Variants in RYR1 observed in about 807,000 individuals in gnomAD.
The protein encoded by RYR1 is ryanodine receptor 1, also known as central core disease of muscle.
In RYR1, 342 loss-of-function variants were observed where a neutral mutation model predicts 583.5. That is an observed-to-expected ratio of 0.59 (90% CI 0.54 to 0.64). The LOEUF (loss-of-function observed/expected upper bound fraction) is 0.64, where lower values mean the gene tolerates loss of function less well. Ranked by LOEUF, RYR1 falls within the 30% of genes least tolerant of loss-of-function variation. RYR1 has a pLI of 0.00. For synonymous variants in RYR1, 2,791 were observed against 2,822.5 expected, an observed-to-expected ratio of 0.99 and a Z score of 0.35; for missense variants, 6,032 against 6,917.2, an observed-to-expected ratio of 0.87 and a Z score of 4.54.
At chr19:38,465,008 C>T (rs937011610) in intron 23 of RYR1, among the ~76,000 whole-genome samples, 4 of 151,964 alleles carry the variant, frequency 2.6e-5, no homozygotes, top group South Asian at 2.1e-4. Flanking sequence ...CACATGTCCA[C>T]GTAAGGGGTA....
At chr19:38,487,250 C>A (rs926964133) in intron 34 of RYR1, among the ~76,000 whole-genome samples, 3 of 152,202 alleles carry the variant, frequency 2.0e-5, no homozygotes, top group Admixed American at 6.6e-5. Context: ...ACCCATCCAT[C>A]TACCCGTTCC....
chr19:38,463,652 C>T (rs1967912958), intron 21 of RYR1, 95 bp from the exon 22 acceptor site: 4 of 1,466,214 alleles, frequency 2.7e-6, no homozygotes, highest in Admixed American at 3.3e-5. Context: ...CTGAGGGTGG[C>T]AGAACTAGGG....
chr19:38,587,120 G>T (rs1974527902), intron 105 of RYR1, among the ~76,000 whole-genome samples: 1 of 152,012 alleles, frequency 6.6e-6, no homozygotes, highest in African/African-American at 2.4e-5. Context: ...ATTAGCCAGG[G>T]GTGGTGGTGT....
chr19:38,460,230 C>G (rs1967651756), intron 19 of RYR1, 145 bp from the exon 20 acceptor site: 2 of 747,784 alleles, frequency 2.7e-6, no homozygotes, highest in African/African-American at 3.5e-5. Flanking sequence ...TTCTAAATGA[C>G]CTCCAGGACA....
In RYR1 at chr19:38,448,960, T is replaced by C. The variant is rs1046204856; in HGVS notation, c.1122+147T>C. ...TGGGGTGCAGGAGGGTACTGAGGGG[T>C]GGTGCTTGAGACCTTGGGAGTTTGA... On this transcript the variant is annotated intron_variant, in intron 11 of 105. Transcript: ENST00000359596. 5 of 780,956 alleles carry C rather than the reference T, an allele frequency of 6.4e-6. No individual in the cohort carries two copies. The Admixed American group carries it at 8.3e-5, about 13-fold the overall frequency. 48.4% of individuals were successfully genotyped at this position (780,956 alleles called of 1,614,324 possible). A position where few individuals can be genotyped will look rare whatever the true frequency, so the allele number is the denominator to read the frequency against.
chr19:38,587,447 C>T lies in RYR1; in HGVS notation c.*27C>T. ...ACACCCCCAGCTGGCCCTCCACCCC[C>T]ACCTCAAGTGCCTTATTCTCACAGC... On this transcript the variant is annotated 3_prime_UTR_variant, in exon 106 of 106. Coordinates refer to ENST00000359596, the MANE Select transcript of RYR1 (RefSeq NM_000540.3). 9.0e-6 allele frequency: 14 copies of T among 1,549,242 alleles called. No individual in the cohort carries two copies. The highest frequency in any genetic ancestry group is 1.1e-5 in the Non-Finnish European group (12 of 1,121,370).
Position 38,457,405 on chromosome 19 carries a change from C to T in RYR1, c.1792-92C>T, listed in dbSNP as rs944826402. On this transcript the variant is annotated intron_variant, in intron 16 of 105. Transcript: ENST00000359596. ...GCCACATCTTATCCCGATGCGCTGT[C>T]CTTTCCTCCTGGCTTCCCTCCCTCC... 21 of 1,580,314 alleles carry T rather than the reference C, an allele frequency of 1.3e-5. No individual in the cohort carries two copies. In the African/African-American group the frequency reaches 2.6e-4, roughly 19 times the overall value.
chr19:38,463,190 G>C (rs1239948878), intron 20 of RYR1, among the ~76,000 whole-genome samples: 1 of 123,996 alleles, frequency 8.1e-6, no homozygotes, highest in African/African-American at 3.2e-5. Context: ...TTACAGATGT[G>C]AGCCACTACG....
chr19:38,464,891 G>T (rs1198471049), intron 23 of RYR1, among the ~76,000 whole-genome samples, 169 bp downstream of exon 23: 4 of 151,972 alleles, frequency 2.6e-5, no homozygotes, highest in Admixed American at 2.0e-4. Context: ...AGAGGTGAAT[G>T]TCCAGGATTG....
At chr19:38,547,614 A>G (rs2960350) in intron 88 of RYR1, among the ~76,000 whole-genome samples, 19,227 of 151,766 alleles carry the variant, frequency 0.13, 2,067 homozygotes, top group African/African-American at 0.29. Flanking sequence ...GACTTTCTCT[A>G]TGTCTCAGTT....
intron 102 of RYR1, among the ~76,000 whole-genome samples, 173 bp downstream of exon 102, chr19:38,585,272 G>T (rs940250113): frequency 6.6e-6 from 1 of 151,416 alleles, no homozygotes; most frequent in Non-Finnish European, 1.5e-5. Flanking sequence ...GCAAAACGAG[G>T]GTGTCAATGG....
At position 38,496,194 on chromosome 19, in the gene RYR1, G is replaced by A. The variant is rs376344486; in HGVS notation, c.6549-21G>A. 39 of 1,605,926 alleles carry A rather than the reference G, an allele frequency of 2.4e-5. No homozygotes were observed. Among genetic ancestry groups the A allele is most frequent in the East Asian group, 1.3e-4 (6 of 44,848 alleles). ...CCGGACCTGGGCCCCTGGTGACCCC[G>A]CACACTCTGCCCGTGCACAGGAACA... On this transcript the variant is annotated intron_variant, in intron 39 of 105. Transcript: ENST00000359596. This position sits in a 1 kb window ranked among gnomAD's most constrained non-coding sequence, Gnocchi z 4.8.
At chr19:38,494,066 G>A (rs1212815826) in intron 38 of RYR1, among the ~76,000 whole-genome samples, 1 of 152,152 alleles carries the variant, frequency 6.6e-6, no homozygotes. Flanking sequence ...CCCTTTGGGA[G>A]GCCACAGTAG....
intron 34 of RYR1, 47 bp from the exon 35 acceptor site, chr19:38,489,130 T>G (rs749315821): frequency 6.5e-7 from 1 of 1,541,258 alleles, no homozygotes; most frequent in Non-Finnish European, 9.0e-7. Context: ...GGCCTGATGA[T>G]GGAGGCCTTG....
At position 38,485,214 on chromosome 19, in the gene RYR1, G is replaced by A. The variant is rs560113176; in HGVS notation, c.4935-376G>A. On this transcript the variant is annotated intron_variant, in intron 33 of 105. Transcript: ENST00000359596. ...TCTACATGGACTCTCAGACTCTTAC[G>A]AAGTCCCAGACCATCCCAGGGACCC... Among the ~76,000 whole-genome samples the A allele has an allele frequency of 9.7e-4, 147 of 152,148 alleles. 1 individual carries two copies. The highest frequency in any genetic ancestry group is 3.4e-3 in the African/African-American group (141 of 41,494).
At chr19:38,449,859 C>T (rs1263810717) in intron 11 of RYR1, among the ~76,000 whole-genome samples, 1 of 152,146 alleles carries the variant, frequency 6.6e-6, no homozygotes, top group East Asian at 1.9e-4. Flanking sequence ...TCGTGTGAGG[C>T]CTTGTGGGCC....
At position 38,464,635 on chromosome 19, in the gene RYR1, C is replaced by G. The variant is rs536700310; in HGVS notation, c.2787-4C>G. 4.4e-6 allele frequency: 7 copies of G among 1,576,248 alleles called. No homozygotes were observed. Among genetic ancestry groups the G allele is most frequent in the South Asian group, 3.5e-5 (3 of 85,810 alleles). The stretch of plus-strand genomic sequence containing the variant: ...ACCTGTCGCCTCCACTCCCCCACCC[C>G]CAGGACTCTGCTGGCTCTGGGCTGC... On this transcript the variant is annotated splice_polypyrimidine_tract_variant and splice_region_variant and intron_variant, in intron 22 of 105. Transcript: ENST00000359596.
Position 38,543,981 on chromosome 19 carries a change from A to C in RYR1, c.12012+106A>C. The C allele has an allele frequency of 8.8e-7, 1 of 1,139,108 alleles. No individual in the cohort carries two copies. The highest frequency in any genetic ancestry group is 1.3e-6 in the Non-Finnish European group (1 of 782,330). 70.6% of individuals were successfully genotyped at this position (1,139,108 alleles called of 1,614,324 possible). A position where few individuals can be genotyped will look rare whatever the true frequency, so the allele number is the denominator to read the frequency against. ...AGTTTGTCACCCGAGTGCTCCCGGC[A>C]TGTTCCAGACTGGTTCCCTCTCAGT... On this transcript the variant is annotated intron_variant, in intron 87 of 105. Transcript: ENST00000359596. The surrounding 1 kb of genome is among the most constrained non-coding windows in gnomAD (Gnocchi z 4.4).
rs71165560 is a variant in RYR1 at position 38,551,025 on chromosome 19, C to CTTTTTTTTTTTTTT, written c.12282+2631_12282+2644dup. Among the ~76,000 whole-genome samples the CTTTTTTTTTTTTTT allele has an allele frequency of 1.2e-4, 5 of 41,358 alleles. 1 individual carries two copies. Among genetic ancestry groups the CTTTTTTTTTTTTTT allele is most frequent in the Non-Finnish European group, 9.2e-5 (2 of 21,656 alleles). 27.1% of individuals were successfully genotyped at this position (41,358 alleles called of 152,430 possible). A position where few individuals can be genotyped will look rare whatever the true frequency, so the allele number is the denominator to read the frequency against. On this transcript the variant is annotated intron_variant, in intron 89 of 105. Coordinates refer to ENST00000359596, the MANE Select transcript of RYR1 (RefSeq NM_000540.3). Reference sequence around the variant, plus strand: ...CATTTATATCAGTGTGGATTCACGGCTTTTTTTTTTTTTTTTTTTTTTTTT... The same window carrying CTTTTTTTTTTTTTT: ...CATTTATATCAGTGTGGATTCACGGCTTTTTTTTTTTTTTTTTTTTTTTTTTTTTTTTTTTTTTT...
Sources: gnomAD v4.1 joint callset for allele counts (sites outside exome capture counted in the v4.1 genomes callset) on GRCh38, gnomAD v4.1.1 for gene constraint, Gnocchi (gnomAD v3.1) non-coding constraint, MANE v1.5 for transcripts, NCBI Gene and HGNC (gene_info 2026-07-23, HGNC 2026-07-21) for gene names.